Variants in CIBAR1 observed in about 807,000 individuals in gnomAD.
CIBAR1 encodes CBY1-interacting BAR domain-containing protein 1.
In CIBAR1, 25 loss-of-function variants were observed where a neutral mutation model predicts 44.0. That is an observed-to-expected ratio of 0.57 (90% CI 0.41 to 0.79). CIBAR1 has a LOEUF of 0.79. Ranked by LOEUF, CIBAR1 falls within the 30% of genes least tolerant of loss-of-function variation. The probability of loss-of-function intolerance (pLI) is 0.00; values close to 1 mark genes in which losing one functional copy is unlikely to be tolerated. For missense variants in CIBAR1, 278 were observed against 344.8 expected, an observed-to-expected ratio of 0.81 and a Z score of 1.53; for synonymous variants, 115 against 119.0, an observed-to-expected ratio of 0.97 and a Z score of 0.22.
At position 93,727,401 on chromosome 8, in the gene CIBAR1, C is replaced by T. The variant is rs1306678426; in HGVS notation, c.778-804C>T. On this transcript the variant is annotated intron_variant, in intron 8 of 8. Transcript: ENST00000518322. Reference sequence around the variant, plus strand: ...ATTCCATAAATTTACTTTTATAGTCCATATAAAGTTTTGACTACAACTAAT... The same window carrying T: ...ATTCCATAAATTTACTTTTATAGTCTATATAAAGTTTTGACTACAACTAAT... 1.1e-4 allele frequency among the ~76,000 whole-genome samples: 16 copies of T among 151,994 alleles called. No homozygotes were observed. The East Asian group carries it at 3.1e-3, about 29-fold the overall frequency.
Position 93,728,836 on chromosome 8 carries a change from A to G in CIBAR1, c.*539A>G, listed in dbSNP as rs1236780616. On this transcript the variant is annotated 3_prime_UTR_variant, in exon 9 of 9. Transcript: ENST00000518322. The stretch of plus-strand genomic sequence containing the variant: ...AAGATAATGTGACACTAAGTTATCA[A>G]TGTTTTATGAATACACATAAGGCAT... The G allele has an allele frequency of 2.0e-5, 3 of 152,126 alleles. No individual in the cohort carries two copies. Among genetic ancestry groups the G allele is most frequent in the Non-Finnish European group, 4.4e-5 (3 of 67,966 alleles). The allele number at this position is 152,126 out of a possible 1,614,324, so 9.4% of individuals were successfully genotyped here.
In CIBAR1 at chr8:93,717,976, G is replaced by A. The variant is rs375902786; in HGVS notation, c.544-699G>A. Among the ~76,000 whole-genome samples the A allele has an allele frequency of 5.3e-5, 8 of 152,210 alleles. No homozygotes were observed. The East Asian group carries it at 1.5e-3, about 29-fold the overall frequency. On this transcript the variant is annotated intron_variant, in intron 6 of 8. Coordinates refer to ENST00000518322, the MANE Select transcript of CIBAR1 (RefSeq NM_145269.5). ...TCATGCTTATAGAGGTTACCTGCAC[G>A]GTTTATCTGTGAAGGAAATGATTGA...
intron 4 of CIBAR1, 85 bp from the exon 5 acceptor site, chr8:93,707,926 A>G: frequency 2.4e-6 from 2 of 845,660 alleles, no homozygotes; most frequent in Non-Finnish European, 3.6e-6. Context: ...TTGTAAGTGT[A>G]TATAATTCTA....
intron 2 of CIBAR1, 130 bp downstream of exon 2, chr8:93,701,588 T>G (rs188795797): frequency 1.4e-6 from 1 of 739,946 alleles, no homozygotes; most frequent in East Asian, 2.7e-5. Context: ...AACGTACATT[T>G]TCATAAGACT....
chr8:93,709,915 C>A, intron 6 of CIBAR1, 40 bp downstream of exon 6: 3 of 1,451,242 alleles, frequency 2.1e-6, no homozygotes, highest in South Asian at 1.3e-5. Context: ...ATGTTTTTAA[C>A]CTTTTTTTTT....
chr8:93,702,511 A>G (rs1316085056), intron 2 of CIBAR1: 10 of 455,554 alleles, frequency 2.2e-5, no homozygotes, highest in Admixed American at 1.4e-4. Context: ...TGCTTACCAA[A>G]TGGTGGAGGT....
chr8:93,720,034 A>AG (rs1359303020), intron 7 of CIBAR1: 2 of 145,936 alleles, frequency 1.4e-5, no homozygotes, highest in Non-Finnish European at 3.0e-5. Flanking sequence ...CCCAGTCTGG[A>AG]GTGCAGTGGT....
intron 1 of CIBAR1, 184 bp from the exon 2 acceptor site, chr8:93,701,040 C>A (rs1464666667): frequency 1.6e-5 from 23 of 1,447,996 alleles, no homozygotes; most frequent in Admixed American, 5.6e-5. Context: ...CCTGTGCCTA[C>A]ACAGTCCGGA....
intron 3 of CIBAR1, among the ~76,000 whole-genome samples, chr8:93,704,049 G>A (rs1232687458): frequency 6.6e-6 from 1 of 150,608 alleles, no homozygotes; most frequent in Non-Finnish European, 1.5e-5. Flanking sequence ...AGGCGACAGT[G>A]TGAGACTCTG....
Position 93,730,966 on chromosome 8 carries a change from G to C in CIBAR1, c.*2669G>C, listed in dbSNP as rs1041016462. The C allele has an allele frequency of 3.3e-5, 5 of 152,314 alleles. No homozygotes were observed. Among genetic ancestry groups the C allele is most frequent in the African/African-American group, 1.2e-4 (5 of 41,550 alleles). 9.4% of individuals were successfully genotyped at this position (152,314 alleles called of 1,614,324 possible). A position where few individuals can be genotyped will look rare whatever the true frequency, so the allele number is the denominator to read the frequency against. ...GCTTGAGGCCAGAAATTTGAGAACA[G>C]CCTGGGCAACACAGTGAGACTCTGT... On this transcript the variant is annotated 3_prime_UTR_variant, in exon 9 of 9. Coordinates refer to ENST00000518322, the MANE Select transcript of CIBAR1 (RefSeq NM_145269.5).
chr8:93,718,662 T>C lies in CIBAR1; in HGVS notation c.544-13T>C. 19 of 1,406,482 alleles carry C rather than the reference T, an allele frequency of 1.4e-5. No homozygotes were observed. Among genetic ancestry groups the C allele is most frequent in the Non-Finnish European group, 1.8e-5 (19 of 1,030,266 alleles). The allele number at this position is 1,406,482 out of a possible 1,614,324, so 87.1% of individuals were successfully genotyped here. Reference sequence around the variant, plus strand: ...AAATCATTGTTTAAATTCAATTCTTTGGTTTTTTTTAGACTATATTTTCTG... The same window carrying C: ...AAATCATTGTTTAAATTCAATTCTTCGGTTTTTTTTAGACTATATTTTCTG... On this transcript the variant is annotated splice_polypyrimidine_tract_variant and intron_variant, in intron 6 of 8. Transcript: ENST00000518322.
chr8:93,726,314 A>G (rs1811497925), intron 7 of CIBAR1, 80 bp from the exon 8 acceptor site: 1 of 1,306,152 alleles, frequency 7.7e-7, no homozygotes, highest in African/African-American at 1.5e-5. Context: ...TTAAAAAAAA[A>G]TCTTAACTAA....
chr8:93,718,739 C>T lies in CIBAR1; in HGVS notation c.608C>T (p.Thr203Ile). Residue 203 changes from threonine to isoleucine, a missense_variant, in exon 7 of 9, where the codon ACT (threonine) becomes ATT (isoleucine). By Grantham distance (89) the Thr-to-Ile change is moderately conservative (BLOSUM62 -1). Coordinates refer to ENST00000518322, the MANE Select transcript of CIBAR1 (RefSeq NM_145269.5). ...LFHGKALEVY[T>I]AAYQNIQNID... Reference sequence around the variant, plus strand: ...CACGGCAAAGCTTTAGAGGTCTACACTGCTGCCTACCAGAATATACAAAAC... The same window carrying T: ...CACGGCAAAGCTTTAGAGGTCTACATTGCTGCCTACCAGAATATACAAAAC... 6.3e-7 allele frequency: 1 copy of T among 1,574,870 alleles called. No individual in the cohort carries two copies. The highest frequency in any genetic ancestry group is 8.6e-7 in the Non-Finnish European group (1 of 1,158,394).
chr8:93,724,575 G>A lies in CIBAR1; in HGVS notation c.658-1819G>A, dbSNP rs773105303. On this transcript the variant is annotated intron_variant, in intron 7 of 8. Transcript: ENST00000518322. Reference sequence around the variant, plus strand: ...CCTGGGGCTCAAGCGATCCGCCTGCGTTGGCCTCCCAAAGTGTCAGGTGAG... The same window carrying A: ...CCTGGGGCTCAAGCGATCCGCCTGCATTGGCCTCCCAAAGTGTCAGGTGAG... The A allele has an allele frequency of 7.1e-5, 91 of 1,275,140 alleles. No homozygotes were observed. In the South Asian group the frequency reaches 7.4e-4, roughly 10 times the overall value. 79.0% of individuals were successfully genotyped at this position (1,275,140 alleles called of 1,614,324 possible).
At chr8:93,709,952 T>A in intron 6 of CIBAR1, 77 bp downstream of exon 6, 3 of 1,154,274 alleles carry the variant, frequency 2.6e-6, no homozygotes, top group Non-Finnish European at 3.7e-6. Context: ...TAAATTACTC[T>A]AAATTTTTTA....
intron 1 of CIBAR1, 187 bp downstream of exon 1, chr8:93,700,860 C>T (rs1810313087): frequency 4.6e-6 from 6 of 1,309,774 alleles, no homozygotes; most frequent in Non-Finnish European, 5.8e-6. Context: ...AAGAGGAGCC[C>T]GGGGCCCGGC....
intron 5 of CIBAR1, 135 bp from the exon 6 acceptor site, chr8:93,709,636 T>C (rs935672073): frequency 1.4e-6 from 1 of 705,958 alleles, no homozygotes; most frequent in Non-Finnish European, 2.6e-6. Context: ...TTATATATGG[T>C]AAAATATAAT....
At chr8:93,727,317 A>C in intron 8 of CIBAR1, 1 of 633,862 alleles carries the variant, frequency 1.6e-6, no homozygotes, top group Non-Finnish European at 2.3e-6. Context: ...ATATGTATGT[A>C]TCTCTCCCCC....
chr8:93,717,463 C>A (rs1356958652), intron 6 of CIBAR1, among the ~76,000 whole-genome samples: 1 of 152,196 alleles, frequency 6.6e-6, no homozygotes, highest in Non-Finnish European at 1.5e-5. Context: ...CAGTAAGGGT[C>A]ATTGTGAATC....
Sources: allele counts gnomAD v4.1 joint callset (sites outside exome capture counted in the v4.1 genomes callset), GRCh38; gene constraint gnomAD v4.1.1; transcripts MANE v1.5; gene names NCBI Gene and HGNC (gene_info 2026-07-23, HGNC 2026-07-21).